Variants in BPTF observed in about 807,000 individuals in gnomAD.
The protein encoded by BPTF is nucleosome-remodeling factor subunit BPTF.
BPTF carries 18 observed loss-of-function variants against 292.5 expected under a neutral mutation model. The observed-to-expected ratio is 0.06, with a 90% CI of 0.04 to 0.09. BPTF has a LOEUF of 0.09. Ranked by LOEUF, BPTF falls within the 10% of genes least tolerant of loss-of-function variation. The pLI is 1.00. For missense variants in BPTF, 2,726 were observed against 3,498.7 expected, an observed-to-expected ratio of 0.78 and a Z score of 5.57; for synonymous variants, 1,225 against 1,251.9, an observed-to-expected ratio of 0.98 and a Z score of 0.45.
chr17:67,858,634 A>G (rs2058873661), intron 2 of BPTF, among the ~76,000 whole-genome samples: 1 of 151,178 alleles, frequency 6.6e-6, no homozygotes, highest in Non-Finnish European at 1.5e-5. Flanking sequence ...CCTGTCAGGG[A>G]GCCCGGTGCT....
chr17:67,953,239 G>A (rs1452838093), intron 23 of BPTF, among the ~76,000 whole-genome samples: 4 of 150,128 alleles, frequency 2.7e-5, no homozygotes, highest in African/African-American at 4.9e-5. Context: ...GGGATTACAG[G>A]CGTGAGCCAC....
intron 1 of BPTF, among the ~76,000 whole-genome samples, chr17:67,835,814 T>C (rs543899127): frequency 5.2e-4 from 79 of 152,108 alleles, no homozygotes; most frequent in Admixed American, 8.5e-4. Flanking sequence ...TACAGGCACC[T>C]GCCACCATGC....
In BPTF at chr17:67,911,745, C is replaced by T; in HGVS notation, c.3861C>T (p.Ser1287=). ...TGGGATGTGACTCTGAATCTAATAG[C>T]ACTTTGGAAAATAGTTCTGATACCG... ...GKLGCDSESN[S]TLENSSDTVS... is the part of the protein sequence containing the mutation. The change falls in exon 11 of 28, where the codon AGC becomes AGT. Residue 1287 remains serine, a synonymous_variant. Coordinates refer to ENST00000306378, the MANE Select transcript of BPTF (RefSeq NM_182641.4). 1 of 1,614,146 alleles carries T rather than the reference C, an allele frequency of 6.2e-7. No individual in the cohort carries two copies. The highest frequency in any genetic ancestry group is 8.5e-7 in the Non-Finnish European group (1 of 1,180,006).
chr17:67,883,441 G>C (rs2060550699), intron 4 of BPTF, among the ~76,000 whole-genome samples: 2 of 149,206 alleles, frequency 1.3e-5, no homozygotes, highest in South Asian at 4.3e-4. Flanking sequence ...AAAATGTAGA[G>C]CATTTACATT....
chr17:67,838,768 A>AC (rs1422453369), intron 1 of BPTF, among the ~76,000 whole-genome samples: 1 of 152,166 alleles, frequency 6.6e-6, no homozygotes, highest in Non-Finnish European at 1.5e-5. Context: ...GAGCCACCAC[A>AC]CCCAGCACAT....
chr17:67,877,614 TA>T (rs1226072531), intron 4 of BPTF, among the ~76,000 whole-genome samples: 1 of 150,016 alleles, frequency 6.7e-6, no homozygotes, highest in East Asian at 1.9e-4. Context: ...GATGTTAAGA[TA>T]TTTTTGGTAA....
intron 3 of BPTF, among the ~76,000 whole-genome samples, chr17:67,872,908 T>A (rs575670422): frequency 7.3e-5 from 11 of 151,692 alleles, no homozygotes; most frequent in Non-Finnish European, 1.5e-5. Context: ...ATAGTGAGAC[T>A]CCATCTCTAT....
intron 1 of BPTF, among the ~76,000 whole-genome samples, chr17:67,826,545 G>T (rs2056061463): frequency 6.6e-6 from 1 of 150,534 alleles, no homozygotes; most frequent in Non-Finnish European, 1.5e-5. Flanking sequence ...AGATTGCATT[G>T]TTGCAGTTTG....
At chr17:67,831,327 C>T (rs62084208) in intron 1 of BPTF, among the ~76,000 whole-genome samples, 30,997 of 152,018 alleles carry the variant, frequency 0.2, 3,979 homozygotes, top group East Asian at 0.66. Context: ...AAATTAATGA[C>T]ATCTGTTTTC....
At chr17:67,967,403 A>C (rs77570471) in intron 26 of BPTF, among the ~76,000 whole-genome samples, 5,714 of 151,730 alleles carry the variant, frequency 0.038, 319 homozygotes, top group East Asian at 0.33. Context: ...GGCCTCCCCA[A>C]AGTGCTGGGA....
intron 11 of BPTF, among the ~76,000 whole-genome samples, chr17:67,917,075 A>G (rs141542626): frequency 7.3e-5 from 11 of 151,346 alleles, no homozygotes; most frequent in African/African-American, 2.7e-4. Context: ...ATGTTTAGAA[A>G]CAAACATGAA....
chr17:67,931,947 G>A lies in BPTF; in HGVS notation c.6187G>A (p.Val2063Met), dbSNP rs754782595. ...TGPQIRPGMT[V>M]IRTPLQQSTL... Reference sequence around the variant, plus strand: ...GCCTCAGATTCGCCCTGGTATGACCGTGATTAGAACACCACTCCAACAGTC... The same window carrying A: ...GCCTCAGATTCGCCCTGGTATGACCATGATTAGAACACCACTCCAACAGTC... Residue 2063 changes from valine to methionine, a missense_variant, in exon 18 of 28, where the codon GTG becomes ATG. By Grantham distance (21) the Val-to-Met change is conservative. Around this residue, in one of 22 missense-constraint regions of BPTF, gnomAD observed 570 missense variants for 633.5 expected, o/e 0.90. Coordinates refer to ENST00000306378, the MANE Select transcript of BPTF (RefSeq NM_182641.4). 1.9e-5 allele frequency: 30 copies of A among 1,613,944 alleles called. No individual in the cohort carries two copies. The highest frequency in any genetic ancestry group is 6.7e-5 in the Admixed American group (4 of 59,970).
intron 3 of BPTF, among the ~76,000 whole-genome samples, chr17:67,869,251 T>C (rs1471511653): frequency 6.6e-6 from 1 of 151,968 alleles, no homozygotes; most frequent in East Asian, 1.9e-4. Context: ...ATAAAGTACA[T>C]TGAATTAAAA....
rs1372371913 is a variant in BPTF, at chr17:67,911,225, G to A, written c.3341G>A (p.Gly1114Glu). ...ESPVITKAKE[G>E]CQSDSMRQEQ... ...CCAGTAATAACGAAAGCAAAAGAAG[G>A]GTGTCAGAGTGACTCGATGAGACAA... The change falls in exon 11 of 28, where the codon GGG becomes GAG. Residue 1114 changes from glycine (G) to glutamate (E), a missense_variant. Transcript: ENST00000306378. The A allele has an allele frequency of 6.2e-7, 1 of 1,613,854 alleles. No individual in the cohort carries two copies. Among genetic ancestry groups the A allele is most frequent in the Non-Finnish European group, 8.5e-7 (1 of 1,179,964 alleles).
chr17:67,856,379 A>G (rs2058692296), intron 2 of BPTF, among the ~76,000 whole-genome samples: 1 of 152,106 alleles, frequency 6.6e-6, no homozygotes, highest in Non-Finnish European at 1.5e-5. Context: ...TTCTGAGGCT[A>G]TTAATGACAG....
chr17:67,945,561 C>T lies in BPTF; in HGVS notation c.6853C>T (p.Pro2285Ser). 1.2e-6 allele frequency: 2 copies of T among 1,610,772 alleles called. No individual in the cohort carries two copies. Among genetic ancestry groups the T allele is most frequent in the South Asian group, 1.1e-5 (1 of 90,706 alleles). Residue 2285 changes from proline (P) to serine (S), a missense_variant, in exon 21 of 28, where the codon CCC becomes TCC. By Grantham distance (74) the Pro-to-Ser change is moderately conservative. Transcript: ENST00000306378. ...AGCTCAGCCCCAGCCCCAAACCCAGCCCCAGTCCCCAGCTCAGCCTGAAGT... is the reference window on the plus strand; with the variant it reads ...AGCTCAGCCCCAGCCCCAAACCCAGTCCCAGTCCCCAGCTCAGCCTGAAGT... The part of the protein sequence containing the change: ...PSAQPQPQTQ[P>S]QSPAQPEVQT...
Position 67,862,091 on chromosome 17 carries a change from T to G in BPTF, c.1437-4373T>G, listed in dbSNP as rs561746169. Among the ~76,000 whole-genome samples, 5 of 152,322 alleles carry G rather than the reference T, an allele frequency of 3.3e-5. No individual in the cohort carries two copies. In the South Asian group the frequency reaches 1.0e-3, roughly 32 times the overall value. ...CCCAGGTTCAAGTGATTCTTCTGCC[T>G]CAGCCTCCCAAGTAGCTGGGATTAC... On this transcript the variant is annotated intron_variant, in intron 2 of 27. Coordinates refer to ENST00000306378, the MANE Select transcript of BPTF (RefSeq NM_182641.4).
intron 1 of BPTF, among the ~76,000 whole-genome samples, chr17:67,833,836 G>C (rs542633990): frequency 3.9e-5 from 6 of 152,120 alleles, no homozygotes; most frequent in Non-Finnish European, 8.8e-5. Context: ...CCAAAGTGCT[G>C]GGATTACAGG....
intron 7 of BPTF, among the ~76,000 whole-genome samples, chr17:67,898,661 CTT>C (rs11289448): frequency 5.3e-4 from 73 of 136,762 alleles, no homozygotes; most frequent in Admixed American, 5.1e-4. Context: ...TATATGAAGT[CTT>C]TTTTTTTTTT....
Sources: allele counts gnomAD v4.1 joint callset (sites outside exome capture counted in the v4.1 genomes callset), GRCh38; gene constraint gnomAD v4.1.1; regional missense constraint gnomAD v4.1.1; transcripts MANE v1.5; gene names NCBI Gene and HGNC (gene_info 2026-07-23, HGNC 2026-07-21).